CREBBP: variants seen among roughly 807,000 people sequenced by gnomAD.
CREBBP encodes the protein CREB binding lysine acetyltransferase.
Under a neutral mutation model 265.0 loss-of-function variants are expected in CREBBP, and 19 were observed. The ratio of observed to expected loss-of-function variants is 0.07; its 90% CI spans 0.05 to 0.11. The LOEUF (loss-of-function observed/expected upper bound fraction) is 0.11. Among genes scored for constraint, CREBBP ranks in the 10% least tolerant of loss-of-function variants. The pLI is 1.00. For missense variants in CREBBP, 2,525 were observed against 3,219.0 expected, an observed-to-expected ratio of 0.78 and a Z score of 5.22; for synonymous variants, 1,457 against 1,223.7, an observed-to-expected ratio of 1.19 and a Z score of -3.98.
At chr16:3,788,697 T>C (rs56351384) in intron 5 of CREBBP, among the ~76,000 whole-genome samples, 2,595 of 152,298 alleles carry the variant, frequency 0.017, 26 homozygotes, top group Non-Finnish European at 0.028. Flanking sequence ...ACGCCTCTAA[T>C]CCCAGGACTT....
At chr16:3,828,719 G>A (rs1440447964) in intron 2 of CREBBP, among the ~76,000 whole-genome samples, 1 of 152,162 alleles carries the variant, frequency 6.6e-6, no homozygotes, top group East Asian at 1.9e-4. Flanking sequence ...TACAGGCTTG[G>A]AGTCAATCAC....
chr16:3,824,889 C>T (rs553845485), intron 2 of CREBBP, among the ~76,000 whole-genome samples: 2 of 152,340 alleles, frequency 1.3e-5, no homozygotes, highest in South Asian at 4.1e-4. Flanking sequence ...GCCCACTCAT[C>T]GCTGATATAT....
At chr16:3,873,060 G>A (rs1426401592) in intron 1 of CREBBP, among the ~76,000 whole-genome samples, 1 of 152,152 alleles carries the variant, frequency 6.6e-6, no homozygotes, top group Non-Finnish European at 1.5e-5. Flanking sequence ...GTTTTGCCTC[G>A]AGGTTTCATC....
chr16:3,767,226 A>C, intron 16 of CREBBP: 1 of 172,528 alleles, frequency 5.8e-6, no homozygotes, highest in Non-Finnish European at 1.3e-5. Flanking sequence ...CAGGGTCCCT[A>C]GGCGCCACCC....
intron 2 of CREBBP, among the ~76,000 whole-genome samples, chr16:3,836,937 C>A (rs548284487): frequency 6.6e-6 from 1 of 152,164 alleles, no homozygotes; most frequent in Non-Finnish European, 1.5e-5. Context: ...GTAAACAAAT[C>A]AATGCACTAC....
At chr16:3,812,110 C>T (rs567334079) in intron 2 of CREBBP, among the ~76,000 whole-genome samples, 1 of 152,118 alleles carries the variant, frequency 6.6e-6, no homozygotes, top group East Asian at 1.9e-4. Flanking sequence ...TAATCACTAA[C>T]CAAGCAGTAG....
At chr16:3,816,798 C>A (rs2054044836) in intron 2 of CREBBP, among the ~76,000 whole-genome samples, 1 of 152,144 alleles carries the variant, frequency 6.6e-6, no homozygotes, top group African/African-American at 2.4e-5. Context: ...TCTCTGCATC[C>A]CCTGCAACAT....
chr16:3,834,215 C>T (rs2054398360), intron 2 of CREBBP, among the ~76,000 whole-genome samples: 1 of 152,186 alleles, frequency 6.6e-6, no homozygotes, highest in South Asian at 2.1e-4. Context: ...TGCAGTTTCT[C>T]ACAAAACTAA....
chr16:3,818,650 A>C (rs981782499), intron 2 of CREBBP, among the ~76,000 whole-genome samples: 3 of 152,092 alleles, frequency 2.0e-5, no homozygotes, highest in Non-Finnish European at 2.9e-5. Flanking sequence ...GAGCCCACTA[A>C]GTCCATTTTT....
intron 1 of CREBBP, among the ~76,000 whole-genome samples, chr16:3,861,649 T>C (rs1227686693): frequency 1.3e-5 from 1 of 75,272 alleles, no homozygotes; most frequent in Admixed American, 1.7e-4. Context: ...CAACTCTCTA[T>C]ACCAAAAAAA....
At chr16:3,759,962 T>G (rs1307488548) in intron 16 of CREBBP, among the ~76,000 whole-genome samples, 2 of 152,170 alleles carry the variant, frequency 1.3e-5, no homozygotes, top group Non-Finnish European at 2.9e-5. Flanking sequence ...CAGTCAGCAG[T>G]CAGCGTGTCA....
At chr16:3,857,958 G>A (rs975868183) in intron 1 of CREBBP, among the ~76,000 whole-genome samples, 3 of 152,214 alleles carry the variant, frequency 2.0e-5, no homozygotes, top group African/African-American at 7.2e-5. Context: ...TTAGGAAGGA[G>A]AAAGTTACAG....
chr16:3,857,069 C>T (rs1180920440), intron 1 of CREBBP, among the ~76,000 whole-genome samples: 2 of 152,118 alleles, frequency 1.3e-5, no homozygotes, highest in African/African-American at 2.4e-5. Flanking sequence ...AACAAGGGTA[C>T]CAACGCCCCA....
intron 28 of CREBBP, among the ~76,000 whole-genome samples, chr16:3,733,830 C>G (rs572510011): frequency 4.6e-4 from 70 of 151,986 alleles, no homozygotes; most frequent in African/African-American, 1.7e-3. Flanking sequence ...TTAGTAGAGA[C>G]GGGGTTTCAC....
chr16:3,725,389 C>G lies in CREBBP; in HGVS notation c.*2329G>C, dbSNP rs907037889. On this transcript the variant is annotated 3_prime_UTR_variant, in exon 31 of 31. Coordinates refer to ENST00000262367, the MANE Select transcript of CREBBP (RefSeq NM_004380.3). ...CCCCTCCACTGCCCACATTAAAAGGCTGCACAACCAGGAGGGCGCCACTTT... is the reference window on the plus strand; with the variant it reads ...CCCCTCCACTGCCCACATTAAAAGGGTGCACAACCAGGAGGGCGCCACTTT... 1.7e-5 allele frequency: 4 copies of G among 233,182 alleles called. No individual in the cohort carries two copies. The highest frequency in any genetic ancestry group is 8.8e-5 in the African/African-American group (4 of 45,364). 14.4% of individuals were successfully genotyped at this position (233,182 alleles called of 1,614,324 possible).
Position 3,810,695 on chromosome 16 carries a change from G to T in CREBBP, c.883C>A (p.Pro295Thr), listed in dbSNP as rs1304151219. Residue 295 changes from proline (P) to threonine (T), a missense_variant, in exon 3 of 31, where the codon CCC (proline) becomes ACC (threonine). This residue lies in a region of CREBBP where 126 missense variants were observed against 171.9 expected (regional missense o/e 0.73). Coordinates refer to ENST00000262367, the MANE Select transcript of CREBBP (RefSeq NM_004380.3). ...ATGCTCTGTTTGCTGGCTAACTGGG[G>T]GTTCACTCCAGTGGCTCCCATTGGC... ...GQPMGATGVN[P>T]QLASKQSMVN... 2 of 1,613,880 alleles carry T rather than the reference G, an allele frequency of 1.2e-6. No homozygotes were observed.
At chr16:3,818,464 C>T (rs949165127) in intron 2 of CREBBP, among the ~76,000 whole-genome samples, 4 of 151,988 alleles carry the variant, frequency 2.6e-5, no homozygotes, top group Admixed American at 6.6e-5. Context: ...CGTGCCACCA[C>T]GCCTGGCTAA....
At chr16:3,830,163 G>C (rs868652536) in intron 2 of CREBBP, among the ~76,000 whole-genome samples, 4 of 152,134 alleles carry the variant, frequency 2.6e-5, no homozygotes, top group Non-Finnish European at 5.9e-5. Context: ...TTGGGAGGTC[G>C]AGGTGGGCAG....
chr16:3,748,615 T>G (rs552574613), intron 21 of CREBBP, among the ~76,000 whole-genome samples: 1 of 152,204 alleles, frequency 6.6e-6, no homozygotes, highest in Non-Finnish European at 1.5e-5. Flanking sequence ...CAGGGTCTGT[T>G]TCTTGCCTTG....
Sources: allele counts gnomAD v4.1 joint callset (sites outside exome capture counted in the v4.1 genomes callset), GRCh38; gene constraint gnomAD v4.1.1; regional missense constraint gnomAD v4.1.1; transcripts MANE v1.5; gene names NCBI Gene and HGNC (gene_info 2026-07-23, HGNC 2026-07-21).